NSD2: variants seen among roughly 807,000 people sequenced by gnomAD.
NSD2 encodes nuclear receptor binding SET domain protein 2.
Under a neutral mutation model 139.0 loss-of-function variants are expected in NSD2, and 12 were observed. That is an observed-to-expected ratio of 0.09 (90% CI 0.06 to 0.14). The LOEUF (loss-of-function observed/expected upper bound fraction) is 0.14. NSD2 is among the 10% of genes least tolerant of loss of function. The probability of loss-of-function intolerance (pLI) is 1.00; values close to 1 mark genes in which losing one functional copy is unlikely to be tolerated. For missense variants in NSD2, 1,155 were observed against 1,745.0 expected (o/e 0.66, Z 6.02); for synonymous variants, 669 against 648.7 (o/e 1.03, Z -0.48).
chr4:1,893,744 C>A (rs1444328825), intron 1 of NSD2: 3 of 152,234 alleles, frequency 2.0e-5, no homozygotes, highest in Non-Finnish European at 2.9e-5. Flanking sequence ...AAGATTTCGC[C>A]ATGTTGCCCA....
At chr4:1,873,620 C>T (rs894033994) in intron 1 of NSD2, among the ~76,000 whole-genome samples, 2 of 152,218 alleles carry the variant, frequency 1.3e-5, no homozygotes, top group Non-Finnish European at 2.9e-5. Flanking sequence ...TACATGGGTA[C>T]AGCCTTCTGC....
chr4:1,949,452 G>A (rs1189529832), intron 9 of NSD2, among the ~76,000 whole-genome samples: 1 of 152,186 alleles, frequency 6.6e-6, no homozygotes, highest in African/African-American at 2.4e-5. Flanking sequence ...AGTCAGAGGC[G>A]ACGGAAGCCC....
chr4:1,937,123 C>T (rs1342900287), intron 7 of NSD2, among the ~76,000 whole-genome samples: 1 of 152,044 alleles, frequency 6.6e-6, no homozygotes, highest in African/African-American at 2.4e-5. Context: ...GCAATCTTCA[C>T]TCACTGCAAC....
At chr4:1,949,689 A>C (rs1470440022) in intron 9 of NSD2, among the ~76,000 whole-genome samples, 1 of 151,210 alleles carries the variant, frequency 6.6e-6, no homozygotes, top group African/African-American at 2.4e-5. Context: ...ACTTGAACCC[A>C]GGAGGCGGAG....
At chr4:1,977,225 G>A (rs1443813587) in intron 21 of NSD2, among the ~76,000 whole-genome samples, 1 of 152,274 alleles carries the variant, frequency 6.6e-6, no homozygotes, top group African/African-American at 2.4e-5. Flanking sequence ...TTGAGGGAAA[G>A]TAGAGTGGGC....
chr4:1,874,813 CT>C (rs1325126433), intron 1 of NSD2, among the ~76,000 whole-genome samples: 1 of 152,068 alleles, frequency 6.6e-6, no homozygotes, highest in Non-Finnish European at 1.5e-5. Flanking sequence ...GACATGGGGG[CT>C]TTAGAGGATT....
rs1244088714 is a variant in NSD2 at position 1,978,790 on chromosome 4, G to C, written c.3979G>C (p.Asp1327His). The C allele has an allele frequency of 1.2e-6, 2 of 1,613,642 alleles. No individual in the cohort carries two copies. The highest frequency in any genetic ancestry group is 3.3e-5 in the Admixed American group (2 of 60,004). The change falls in exon 22 of 22, where the codon GAC becomes CAC. Residue 1327 changes from aspartate to histidine, a missense_variant. Asp to His is a moderately conservative substitution (Grantham distance 81, BLOSUM62 -1). Around this residue, in one of 8 missense-constraint regions of NSD2, gnomAD observed 132 missense variants for 94.3 expected, o/e 1.40. Coordinates refer to ENST00000508803, the MANE Select transcript of NSD2 (RefSeq NM_001042424.3). ...PDGRSYCCEH[D>H]LGAASVRSTK... ...CGGGCGGTCCTACTGCTGTGAGCAT[G>C]ACTTAGGGGCGGCATCGGTCAGAAG...
At chr4:1,963,074 C>T (rs1725527437) in intron 18 of NSD2, among the ~76,000 whole-genome samples, 1 of 152,124 alleles carries the variant, frequency 6.6e-6, no homozygotes, top group Admixed American at 6.5e-5. Context: ...GAATACACAA[C>T]GAGAGAGAAA....
In NSD2 at chr4:1,974,703, C is replaced by A. The variant is rs778224010; in HGVS notation, c.3373-160C>A. On this transcript the variant is annotated intron_variant, in intron 18 of 21. Transcript: ENST00000508803. The surrounding 1 kb of genome is among the most constrained non-coding windows in gnomAD (Gnocchi z 4.0). ...TCCTCTGTGAGCAAGAGAAACAGGA[C>A]TGGTTTGGGGGTGTCCTGTCTCAGT... is the stretch of plus-strand genomic sequence containing the variant. The A allele has an allele frequency of 9.9e-7, 1 of 1,013,674 alleles. No individual in the cohort carries two copies. Among genetic ancestry groups the A allele is most frequent in the Non-Finnish European group, 1.5e-6 (1 of 646,036 alleles). 62.8% of individuals were successfully genotyped at this position (1,013,674 alleles called of 1,614,324 possible). A position where few individuals can be genotyped will look rare whatever the true frequency, so the allele number is the denominator to read the frequency against.
chr4:1,905,449 C>A (rs575574826), intron 3 of NSD2, among the ~76,000 whole-genome samples: 5 of 152,362 alleles, frequency 3.3e-5, no homozygotes, highest in South Asian at 2.1e-4. Context: ...CCTTGGTGGT[C>A]CTTGCGTACA....
chr4:1,978,977 C>T lies in NSD2; in HGVS notation c.*68C>T, dbSNP rs887994230. On this transcript the variant is annotated 3_prime_UTR_variant, in exon 22 of 22. Coordinates refer to ENST00000508803, the MANE Select transcript of NSD2 (RefSeq NM_001042424.3). Reference sequence around the variant, plus strand: ...GGCCGGCCCTGCCTGCGGGAGAGGGCGAGCATGAACTGGCCCGGAGGACCC... The same window carrying T: ...GGCCGGCCCTGCCTGCGGGAGAGGGTGAGCATGAACTGGCCCGGAGGACCC... The T allele has an allele frequency of 2.1e-6, 3 of 1,435,430 alleles. No homozygotes were observed. Among genetic ancestry groups the T allele is most frequent in the Non-Finnish European group, 1.8e-6 (2 of 1,093,178 alleles). 88.9% of individuals were successfully genotyped at this position (1,435,430 alleles called of 1,614,324 possible). A position where few individuals can be genotyped will look rare whatever the true frequency, so the allele number is the denominator to read the frequency against.
intron 7 of NSD2, 76 bp from the exon 8 acceptor site, chr4:1,938,375 T>C (rs558387374): frequency 2.4e-6 from 3 of 1,234,830 alleles, no homozygotes; most frequent in South Asian, 3.6e-5. Flanking sequence ...GTTGTTCTTT[T>C]TCTTTTTTTT....
rs1436411942 is a variant in NSD2 at position 1,979,051 on chromosome 4, G to A, written c.*142G>A. 1.5e-5 allele frequency: 16 copies of A among 1,084,274 alleles called. No homozygotes were observed. Among genetic ancestry groups the A allele is most frequent in the Admixed American group, 1.3e-4 (4 of 30,954 alleles). 67.2% of individuals were successfully genotyped at this position (1,084,274 alleles called of 1,614,324 possible). A position where few individuals can be genotyped will look rare whatever the true frequency, so the allele number is the denominator to read the frequency against. On this transcript the variant is annotated 3_prime_UTR_variant, in exon 22 of 22. Coordinates refer to ENST00000508803, the MANE Select transcript of NSD2 (RefSeq NM_001042424.3). ...CGTACAGGCCTCCTCGGGAGGGAGC[G>A]CCTCCCCACCACTGAGCCATCCTCA...
Position 1,901,325 on chromosome 4 carries a change from C to G in NSD2, c.597+74C>G. 3.8e-6 allele frequency: 5 copies of G among 1,303,638 alleles called. 1 individual carries two copies. In the South Asian group the frequency reaches 7.2e-5, roughly 19 times the overall value. The allele number at this position is 1,303,638 out of a possible 1,614,324, so 80.8% of individuals were successfully genotyped here. A position where few individuals can be genotyped will look rare whatever the true frequency, so the allele number is the denominator to read the frequency against. On this transcript the variant is annotated intron_variant, in intron 2 of 21. Coordinates refer to ENST00000508803, the MANE Select transcript of NSD2 (RefSeq NM_001042424.3). ...CATGGCCACCCTATGAGGGCACCTGCACGAGTACTGGGGCGGGCGGAGAAG... is the reference window on the plus strand; with the variant it reads ...CATGGCCACCCTATGAGGGCACCTGGACGAGTACTGGGGCGGGCGGAGAAG...
At chr4:1,913,167 C>T (rs756068304) in intron 3 of NSD2, among the ~76,000 whole-genome samples, 1 of 152,132 alleles carries the variant, frequency 6.6e-6, no homozygotes, top group Non-Finnish European at 1.5e-5. Context: ...GACCAGAAGA[C>T]GAGTGTGAGC....
At chr4:1,878,978 C>T (rs968742882) in intron 1 of NSD2, among the ~76,000 whole-genome samples, 1 of 152,082 alleles carries the variant, frequency 6.6e-6, no homozygotes, top group Non-Finnish European at 1.5e-5. Flanking sequence ...GGTACTGTTA[C>T]CTCTCTGTGA....
In NSD2 at chr4:1,925,841, G is replaced by A. The variant is rs554016509; in HGVS notation, c.1411-4785G>A. Among the ~76,000 whole-genome samples the A allele has an allele frequency of 4.0e-5, 6 of 149,716 alleles. No individual in the cohort carries two copies. The South Asian group carries it at 6.4e-4, about 16-fold the overall frequency. On this transcript the variant is annotated intron_variant, in intron 5 of 21. Transcript: ENST00000508803. ...TTTTGAGACAGGGTCTTACTCTGTC[G>A]CCCAGGCTGGAGTGCAGTGGTGCAA...
chr4:1,953,479 G>A lies in NSD2; in HGVS notation c.2293G>A (p.Val765Met). 1.2e-6 allele frequency: 2 copies of A among 1,613,960 alleles called. No homozygotes were observed. The highest frequency in any genetic ancestry group is 1.7e-6 in the Non-Finnish European group (2 of 1,179,988). The change falls in exon 12 of 22, where the codon GTG becomes ATG. Residue 765 changes from valine to methionine, a missense_variant. Physicochemically the swap from Val to Met is conservative, Grantham distance 21. Coordinates refer to ENST00000508803, the MANE Select transcript of NSD2 (RefSeq NM_001042424.3). ...RGFRCPLHSC[V>M]SCHASNPSNP... The stretch of plus-strand genomic sequence containing the variant: ...TTTCCGCTGCCCCCTCCACAGCTGT[G>A]TGAGCTGCCATGCTTCCAACCCTTC...
At chr4:1,901,367 T>G (rs924697631) in intron 2 of NSD2, 116 bp downstream of exon 2, 1 of 928,114 alleles carries the variant, frequency 1.1e-6, no homozygotes, top group South Asian at 1.7e-5. Flanking sequence ...ACAGGCCTGG[T>G]ACTTCCAGCC....
Sources: gnomAD v4.1 joint callset for allele counts (sites outside exome capture counted in the v4.1 genomes callset) on GRCh38, gnomAD v4.1.1 for gene constraint, gnomAD v4.1.1 regional missense constraint, Gnocchi (gnomAD v3.1) non-coding constraint, MANE v1.5 for transcripts, NCBI Gene and HGNC (gene_info 2026-07-23, HGNC 2026-07-21) for gene names.